The following CSMD1 variants were observed in gnomAD, a reference collection of about 807,000 sequenced individuals.
CSMD1 encodes CUB and sushi domain-containing protein 1.
A neutral mutation model predicts 417.5 loss-of-function variants in CSMD1; 213 were observed. The ratio of observed to expected loss-of-function variants is 0.51; its 90% CI spans 0.46 to 0.57. The LOEUF is 0.57. Ranked by LOEUF, CSMD1 falls within the 20% of genes least tolerant of loss-of-function variation. The pLI, the probability that CSMD1 is intolerant of heterozygous loss-of-function variation, is 0.00. For missense variants in CSMD1, 6,923 were observed against 4,529.7 expected, an observed-to-expected ratio of 1.53 and a Z score of -15.17; for synonymous variants, 2,862 against 1,736.8, an observed-to-expected ratio of 1.65 and a Z score of -16.11.
At chr8:3,826,821 C>G (rs1342606424) in intron 5 of CSMD1, among the ~76,000 whole-genome samples, 2 of 152,156 alleles carry the variant, frequency 1.3e-5, no homozygotes, top group African/African-American at 4.8e-5. Context: ...GGGTCTCACT[C>G]TGTCATCTAG....
chr8:3,056,543 AT>A (rs937979367), intron 49 of CSMD1, among the ~76,000 whole-genome samples: 1 of 151,624 alleles, frequency 6.6e-6, no homozygotes, highest in African/African-American at 2.4e-5. Flanking sequence ...TATTTTTTGT[AT>A]TTTTTTGGAG....
intron 4 of CSMD1, among the ~76,000 whole-genome samples, chr8:4,008,986 A>G (rs1201171142): frequency 6.6e-6 from 1 of 152,136 alleles, no homozygotes; most frequent in Non-Finnish European, 1.5e-5. Context: ...CAAAATCGTC[A>G]GTGGGTAGGT....
chr8:4,946,555 G>C (rs963586457), intron 1 of CSMD1, among the ~76,000 whole-genome samples: 1 of 152,136 alleles, frequency 6.6e-6, no homozygotes, highest in Non-Finnish European at 1.5e-5. Context: ...CCTTATGAAG[G>C]ATTCTGACTC....
rs149065667 is a variant in CSMD1 at position 4,390,600 on chromosome 8, G to A, written c.415+29353C>T. ...GCGATCTCAGCTCCCTGCAAGCTCC[G>A]CCTCCCGGACTCACGCCATTCTCCT... is the stretch of plus-strand genomic sequence containing the variant. On this transcript the variant is annotated intron_variant, in intron 3 of 69. Transcript: ENST00000635120. Among the ~76,000 whole-genome samples, 534 of 151,746 alleles carry A rather than the reference G, an allele frequency of 3.5e-3. 21 individuals are homozygous for A. In the East Asian group the frequency reaches 0.09, roughly 26 times the overall value.
intron 3 of CSMD1, among the ~76,000 whole-genome samples, chr8:4,361,276 TACTC>T: frequency 6.6e-6 from 1 of 152,304 alleles, no homozygotes; most frequent in Non-Finnish European, 1.5e-5. Flanking sequence ...TATTACTACT[TACTC>T]ATAAATAATA....
intron 4 of CSMD1, among the ~76,000 whole-genome samples, chr8:4,020,181 G>C (rs1484671127): frequency 6.6e-6 from 1 of 152,004 alleles, no homozygotes; most frequent in African/African-American, 2.4e-5. Flanking sequence ...TTCTCAAGTA[G>C]GCACTTTTAT....
chr8:4,239,510 C>A (rs1013676705), intron 3 of CSMD1, among the ~76,000 whole-genome samples: 1 of 152,164 alleles, frequency 6.6e-6, no homozygotes, highest in Non-Finnish European at 1.5e-5. Context: ...CAGTCTGGTC[C>A]TCAGAGCTGG....
chr8:4,158,432 C>CA (rs112280740), intron 3 of CSMD1, among the ~76,000 whole-genome samples: 2,176 of 150,764 alleles, frequency 0.014, 58 homozygotes, highest in African/African-American at 0.049. Context: ...AACAAACAAA[C>CA]AAAAAAAAAT....
chr8:3,206,287 G>A (rs1369740622), intron 30 of CSMD1, among the ~76,000 whole-genome samples: 1 of 142,596 alleles, frequency 7.0e-6, no homozygotes, highest in African/African-American at 2.6e-5. Context: ...CTGTGTGTAT[G>A]TGTGTGTGTG....
At chr8:3,303,004 G>C (rs551291344) in intron 25 of CSMD1, among the ~76,000 whole-genome samples, 13 of 152,318 alleles carry the variant, frequency 8.5e-5, no homozygotes, top group African/African-American at 3.1e-4. Flanking sequence ...TGGAGTAGCA[G>C]CCATAGGCAT....
rs367839007 is a variant in CSMD1, at chr8:4,185,179, C to A, written c.416-153080G>T. 3.7e-4 allele frequency among the ~76,000 whole-genome samples: 52 copies of A among 139,474 alleles called. 1 individual carries two copies. In the South Asian group the frequency reaches 9.4e-3, roughly 25 times the overall value. The allele number at this position is 139,474 out of a possible 152,430, so 91.5% of individuals were successfully genotyped here. A position where few individuals can be genotyped will look rare whatever the true frequency, so the allele number is the denominator to read the frequency against. On this transcript the variant is annotated intron_variant, in intron 3 of 69. Coordinates refer to ENST00000635120, the MANE Select transcript of CSMD1 (RefSeq NM_033225.6). ...AAAAAAAAAGCAAACGAAGAAAAAA[C>A]CAAAAAGAAACACAAAAATGCAAAA...
intron 3 of CSMD1, among the ~76,000 whole-genome samples, chr8:4,104,847 T>C (rs535553366): frequency 6.6e-6 from 1 of 152,192 alleles, no homozygotes; most frequent in African/African-American, 2.4e-5. Flanking sequence ...AGCCTCTGAG[T>C]GCTTAGCCTT....
intron 7 of CSMD1, among the ~76,000 whole-genome samples, chr8:3,618,756 A>G (rs1365065106): frequency 6.6e-6 from 1 of 152,204 alleles, no homozygotes; most frequent in Non-Finnish European, 1.5e-5. Flanking sequence ...ATGAAGAAAA[A>G]GATGTTCAAA....
rs114036186 is a variant in CSMD1, at chr8:4,241,068, G to C, written c.415+178885C>G. ...TTAATGAAGCTACCCCTATGGATTT[G>C]ATCGCTGAATTACTTATCCTCTACA... On this transcript the variant is annotated intron_variant, in intron 3 of 69. Transcript: ENST00000635120. 2.3e-3 allele frequency among the ~76,000 whole-genome samples: 343 copies of C among 152,188 alleles called. 1 individual carries two copies. Among genetic ancestry groups the C allele is most frequent in the African/African-American group, 7.9e-3 (330 of 41,522 alleles).
In CSMD1 at chr8:3,355,624, T is replaced by C. The variant is rs1585045102; in HGVS notation, c.3304+3528A>G. Among the ~76,000 whole-genome samples, 3 of 152,130 alleles carry C rather than the reference T, an allele frequency of 2.0e-5. No individual in the cohort carries two copies. In the East Asian group the frequency reaches 5.8e-4, roughly 29 times the overall value. ...CACGATGTGGGGCTACAGCACTGTA[T>C]GTGATGATATGAGATCAGGAAGCCA... On this transcript the variant is annotated intron_variant, in intron 21 of 69. Transcript: ENST00000635120.
At chr8:3,807,684 T>A (rs527959211) in intron 5 of CSMD1, among the ~76,000 whole-genome samples, 10 of 152,276 alleles carry the variant, frequency 6.6e-5, no homozygotes, top group African/African-American at 2.4e-4. Flanking sequence ...TATAATTAAG[T>A]TTTGGCTTTT....
intron 1 of CSMD1, among the ~76,000 whole-genome samples, chr8:4,967,682 A>G (rs1014164529): frequency 4.6e-5 from 7 of 152,164 alleles, no homozygotes; most frequent in African/African-American, 1.7e-4. Flanking sequence ...TCTTGCATAC[A>G]TTTCTTCCTC....
intron 4 of CSMD1, among the ~76,000 whole-genome samples, chr8:4,006,690 T>G (rs1274787144): frequency 6.6e-6 from 1 of 152,212 alleles, no homozygotes; most frequent in Non-Finnish European, 1.5e-5. Flanking sequence ...CACATGCAGA[T>G]GGCAATGTCA....
chr8:3,237,641 T>TATACAG (rs201669306), intron 26 of CSMD1, among the ~76,000 whole-genome samples: 1 of 110,426 alleles, frequency 9.1e-6, no homozygotes, highest in Non-Finnish European at 2.1e-5. Flanking sequence ...ATACTTATAC[T>TATACAG]ATAATTTTTT....
Sources: gnomAD v4.1 joint callset for allele counts (sites outside exome capture counted in the v4.1 genomes callset) on GRCh38, gnomAD v4.1.1 for gene constraint, MANE v1.5 for transcripts, NCBI Gene and HGNC (gene_info 2026-07-23, HGNC 2026-07-21) for gene names.